Variants in POF1B observed in about 807,000 individuals in gnomAD.
The protein encoded by POF1B is POF1B actin binding protein.
A neutral mutation model predicts 55.3 loss-of-function variants in POF1B; 53 were observed. The observed-to-expected ratio is 0.96, with a 90% CI of 0.77 to 1.20. The LOEUF (loss-of-function observed/expected upper bound fraction) is 1.20, where lower values mean the gene tolerates loss of function less well. Ranked by LOEUF, POF1B falls within the 50% of genes most tolerant of loss-of-function variation. The probability of loss-of-function intolerance (pLI) is 0.00; values close to 1 mark genes in which losing one functional copy is unlikely to be tolerated. For synonymous variants in POF1B, 188 were observed against 148.3 expected (o/e 1.27, Z -1.95); for missense variants, 478 against 420.5 (o/e 1.14, Z -1.20).
intron 3 of POF1B, among the ~76,000 whole-genome samples, chrX:85,362,131 A>G (rs1933636420): frequency 9.0e-6 from 1 of 111,196 alleles, no homozygotes; most frequent in Admixed American, 9.7e-5. Flanking sequence ...GATCAGCTTA[A>G]GGTAGTTTTT....
intron 15 of POF1B, among the ~76,000 whole-genome samples, chrX:85,282,900 G>A (rs1232234381): frequency 9.0e-6 from 1 of 110,902 alleles, no homozygotes; most frequent in Admixed American, 9.6e-5. Context: ...AAAGGAGCAG[G>A]CTGGCAATTT....
chrX:85,314,619 A>T (rs1932767475), intron 8 of POF1B, 113 bp from the exon 9 acceptor site: 1 of 420,910 alleles, frequency 2.4e-6, no homozygotes, highest in African/African-American at 2.6e-5. Flanking sequence ...AGACTAATTC[A>T]CTTTTTGAGA....
chrX:85,279,514 A>C (rs1342366765), intron 16 of POF1B, 88 bp from the exon 17 acceptor site: 2 of 922,053 alleles, frequency 2.2e-6, no homozygotes, highest in Non-Finnish European at 3.1e-6. Flanking sequence ...AATTATTTAA[A>C]TTGGTATGTA....
chrX:85,367,204 G>C (rs762923034), intron 3 of POF1B, among the ~76,000 whole-genome samples: 4 of 111,252 alleles, frequency 3.6e-5, no homozygotes, highest in Admixed American at 9.6e-5. Flanking sequence ...CTACCTTTTG[G>C]ATACACAATG....
intron 15 of POF1B, among the ~76,000 whole-genome samples, chrX:85,286,904 T>A (rs1417645503): frequency 1.8e-5 from 2 of 111,275 alleles, no homozygotes; most frequent in Non-Finnish European, 3.8e-5. Flanking sequence ...TTGGCACGCC[T>A]TTCAAGGTAA....
intron 14 of POF1B, 32 bp downstream of exon 14, chrX:85,304,311 C>T (rs371543900): frequency 8.9e-7 from 1 of 1,126,025 alleles, no homozygotes; most frequent in South Asian, 2.3e-5. Context: ...AGTTGTATTA[C>T]TTTTCTCCAT....
intron 6 of POF1B, among the ~76,000 whole-genome samples, chrX:85,335,635 A>C (rs920392592): frequency 1.8e-5 from 2 of 111,190 alleles, no homozygotes; most frequent in East Asian, 5.6e-4. Flanking sequence ...ATCTATGTAG[A>C]TATTTTAATA....
intron 10 of POF1B, 40 bp from the exon 11 acceptor site, chrX:85,307,316 AAACTT>A (rs1473437731): frequency 1.1e-6 from 1 of 927,673 alleles, no homozygotes; most frequent in East Asian, 3.2e-5. Context: ...AGAATTGCAA[AAACTT>A]AACAGTCACA....
At chrX:85,354,512 G>A (rs1404506236) in intron 4 of POF1B, among the ~76,000 whole-genome samples, 3 of 110,323 alleles carry the variant, frequency 2.7e-5, no homozygotes, top group Admixed American at 1.9e-4. Flanking sequence ...AATGATGAAC[G>A]GTCATTCCCT....
At chrX:85,309,699 T>C (rs1444217122) in intron 9 of POF1B, among the ~76,000 whole-genome samples, 1 of 111,557 alleles carries the variant, frequency 9.0e-6, no homozygotes, top group African/African-American at 3.3e-5. Context: ...GTAACCACTC[T>C]ATCTTAGCCA....
chrX:85,315,400 A>G lies in POF1B; in HGVS notation c.882+307T>C, dbSNP rs781367143. ...GTGAAACATCTCTTGTACCCCATAA[A>G]TAAATACACCTACTATGTACACACA... On this transcript the variant is annotated intron_variant, in intron 8 of 16. Coordinates refer to ENST00000262753, the MANE Select transcript of POF1B (RefSeq NM_024921.4). Among the ~76,000 whole-genome samples, 75 of 111,376 alleles carry G rather than the reference A, an allele frequency of 6.7e-4. 4 individuals carry two copies. The highest frequency in any genetic ancestry group is 1.9e-4 in the Non-Finnish European group (10 of 52,819).
At chrX:85,370,964 T>C (rs1294970476) in intron 2 of POF1B, among the ~76,000 whole-genome samples, 1 of 111,954 alleles carries the variant, frequency 8.9e-6, no homozygotes, top group Admixed American at 9.5e-5. Flanking sequence ...ACAGTCAATG[T>C]TTTTGTTTTT....
intron 7 of POF1B, among the ~76,000 whole-genome samples, chrX:85,325,072 A>G (rs189503610): frequency 3.2e-4 from 36 of 111,842 alleles, no homozygotes; most frequent in African/African-American, 1.0e-3. Flanking sequence ...TGCTGGCCCA[A>G]TGAGATTCCC....
intron 2 of POF1B, 58 bp downstream of exon 2, chrX:85,379,115 G>T: frequency 1.8e-6 from 2 of 1,133,275 alleles, no homozygotes; most frequent in Non-Finnish European, 2.4e-6. Flanking sequence ...GAAAGGAAGA[G>T]AAATCAGGTT....
chrX:85,287,263 T>A (rs1932073845), intron 15 of POF1B, among the ~76,000 whole-genome samples: 1 of 110,344 alleles, frequency 9.1e-6, no homozygotes, highest in Non-Finnish European at 1.9e-5. Flanking sequence ...ATTAGTGAAA[T>A]AGGAAAGAGA....
chrX:85,307,135 A>G, intron 11 of POF1B, 28 bp downstream of exon 11: 1 of 1,075,413 alleles, frequency 9.3e-7, no homozygotes, highest in Non-Finnish European at 1.3e-6. Flanking sequence ...ATCAATGTAG[A>G]TTAACACCAA....
Position 85,346,047 on chromosome X carries a change from G to T in POF1B, c.541-5C>A, listed in dbSNP as rs1354558866. The T allele has an allele frequency of 8.8e-7, 1 of 1,136,187 alleles. No individual in the cohort carries two copies. Among genetic ancestry groups the T allele is most frequent in the African/African-American group, 1.8e-5 (1 of 54,821 alleles). 93.6% of individuals were successfully genotyped at this position (1,136,187 alleles called of 1,213,427 possible). ...TTGAGCCTGAGGATGGCACCCCTAA[G>T]ACACATACACATGCCAAAAACAGCC... On this transcript the variant is annotated splice_polypyrimidine_tract_variant and splice_region_variant and intron_variant, in intron 5 of 16. Coordinates refer to ENST00000262753, the MANE Select transcript of POF1B (RefSeq NM_024921.4).
rs1042983293 is a variant in POF1B, at chrX:85,281,937, A to T, written c.1764+266T>A. 5.4e-5 allele frequency among the ~76,000 whole-genome samples: 6 copies of T among 110,378 alleles called. No individual in the cohort carries two copies. In the East Asian group the frequency reaches 1.7e-3, roughly 31 times the overall value. On this transcript the variant is annotated intron_variant, in intron 16 of 16. Transcript: ENST00000262753. The stretch of plus-strand genomic sequence containing the variant: ...TACCGAGCTAGGCAAGAAAATAAAT[A>T]AAATTAGCATATCACTAATGTTAAT...
intron 7 of POF1B, among the ~76,000 whole-genome samples, chrX:85,318,004 G>A (rs915567740): frequency 1.8e-5 from 2 of 111,631 alleles, no homozygotes; most frequent in African/African-American, 6.5e-5. Flanking sequence ...TCACTTACAA[G>A]TGGGAGCTAA....
Sources: allele counts gnomAD v4.1 joint callset (sites outside exome capture counted in the v4.1 genomes callset), GRCh38; gene constraint gnomAD v4.1.1; transcripts MANE v1.5; gene names NCBI Gene and HGNC (gene_info 2026-07-23, HGNC 2026-07-21).